CCNT1: variants seen among roughly 807,000 people sequenced by gnomAD.
CCNT1 encodes cyclin T1.
Under a neutral mutation model 67.3 loss-of-function variants are expected in CCNT1, and 18 were observed. The observed-to-expected ratio is 0.27, with a 90% confidence interval of 0.18 to 0.40. The LOEUF (loss-of-function observed/expected upper bound fraction) is 0.40, where lower values mean the gene tolerates loss of function less well. Among genes scored for constraint, CCNT1 ranks in the 10% least tolerant of loss-of-function variants. The pLI is 1.00. For missense variants in CCNT1, 744 were observed against 884.9 expected, an observed-to-expected ratio of 0.84 and a Z score of 2.02; for synonymous variants, 333 against 310.3, an observed-to-expected ratio of 1.07 and a Z score of -0.77.
At position 48,714,526 on chromosome 12, in the gene CCNT1, TG is replaced by T; in HGVS notation, c.162-3del. 6.9e-6 allele frequency: 11 copies of T among 1,600,794 alleles called. No homozygotes were observed. The highest frequency in any genetic ancestry group is 9.4e-6 in the Non-Finnish European group (11 of 1,168,096). ...GCAGTGTTGATAGTCAATTGTGAGC[TG>T]AAGTGTTCAAGTTAAGATCCAAAAA... On this transcript the variant is annotated splice_polypyrimidine_tract_variant and splice_region_variant and intron_variant, in intron 1 of 8. Coordinates refer to ENST00000261900, the MANE Select transcript of CCNT1 (RefSeq NM_001240.4).
chr12:48,702,566 C>T (rs1441979048), intron 3 of CCNT1, among the ~76,000 whole-genome samples: 3 of 152,134 alleles, frequency 2.0e-5, no homozygotes, highest in Non-Finnish European at 4.4e-5. Flanking sequence ...AGGTGTATCA[C>T]GAGGTCAGGA....
In CCNT1 at chr12:48,693,767, G is replaced by A. The variant is rs781254287; in HGVS notation, c.1447C>T (p.Arg483Cys). 83 of 1,613,908 alleles carry A rather than the reference G, an allele frequency of 5.1e-5. No homozygotes were observed. The highest frequency in any genetic ancestry group is 3.0e-4 in the Admixed American group (18 of 59,978). Residue 483 changes from arginine to cysteine, a missense_variant, in exon 9 of 9, where the codon CGC (arginine) becomes TGC (cysteine). This residue lies in a region of CCNT1 where 564 missense variants were observed against 574.2 expected (regional missense o/e 0.98). Coordinates refer to ENST00000261900, the MANE Select transcript of CCNT1 (RefSeq NM_001240.4). Reference sequence around the variant, plus strand: ...TCAGCTGCAGCATGGACTTTTATGCGCATTTTTATCTCCTCTGGTTTTGAA... The same window carrying A: ...TCAGCTGCAGCATGGACTTTTATGCACATTTTTATCTCCTCTGGTTTTGAA... ...ASSKPEEIKM[R>C]IKVHAAADKH...
At position 48,692,991 on chromosome 12, in the gene CCNT1, GTTTT is replaced by G. The variant is rs754137865; in HGVS notation, c.*38_*41del. ...CAAAAAAAAAAAAGAAAAATTATGT[GTTTT>G]TTTAAAGAAGTTTTTTTCTCCTCTT... On this transcript the variant is annotated 3_prime_UTR_variant, in exon 9 of 9. Transcript: ENST00000261900. 34 of 1,257,846 alleles carry G rather than the reference GTTTT, an allele frequency of 2.7e-5. No homozygotes were observed. The highest frequency in any genetic ancestry group is 2.6e-4 in the Middle Eastern group (1 of 3,888). 77.9% of individuals were successfully genotyped at this position (1,257,846 alleles called of 1,614,324 possible).
intron 2 of CCNT1, among the ~76,000 whole-genome samples, chr12:48,707,786 T>C (rs946610562): frequency 6.6e-6 from 1 of 152,148 alleles, no homozygotes; most frequent in Non-Finnish European, 1.5e-5. Flanking sequence ...AGGCTGGGTG[T>C]TGTGGCTCAC....
intron 6 of CCNT1, among the ~76,000 whole-genome samples, chr12:48,697,154 A>G (rs1310836639): frequency 6.6e-6 from 1 of 152,162 alleles, no homozygotes; most frequent in Admixed American, 6.6e-5. Context: ...GGAAGAAGGA[A>G]AAAGACTGAA....
At chr12:48,706,883 A>G (rs114489110) in intron 2 of CCNT1, among the ~76,000 whole-genome samples, 34 of 152,272 alleles carry the variant, frequency 2.2e-4, no homozygotes, top group African/African-American at 8.2e-4. Flanking sequence ...TTCAGACAAG[A>G]CCATAGGAGA....
At chr12:48,711,222 A>C (rs1300850097) in intron 2 of CCNT1, among the ~76,000 whole-genome samples, 3 of 151,854 alleles carry the variant, frequency 2.0e-5, no homozygotes, top group Non-Finnish European at 4.4e-5. Context: ...TATACTAAAA[A>C]TACAAAAATT....
At position 48,693,336 on chromosome 12, in the gene CCNT1, T is replaced by A. The variant is rs1336811942; in HGVS notation, c.1878A>T (p.Ser626=). Residue 626 remains serine (S), a synonymous_variant, in exon 9 of 9, where the codon TCA becomes TCT. Coordinates refer to ENST00000261900, the MANE Select transcript of CCNT1 (RefSeq NM_001240.4). Reference sequence around the variant, plus strand: ...GGACACGAGTTTTACAGCTGGGCTGTGAAAAGGAAAGGCCACTTGTGTCTG... The same window carrying A: ...GGACACGAGTTTTACAGCTGGGCTGAGAAAAGGAAAGGCCACTTGTGTCTG... ...HSSDTSGLSF[S]QPSCKTRVPH... The A allele has an allele frequency of 6.2e-7, 1 of 1,614,162 alleles. No individual in the cohort carries two copies. Among genetic ancestry groups the A allele is most frequent in the South Asian group, 1.1e-5 (1 of 91,082 alleles).
At chr12:48,716,128 T>G (rs904652440) in intron 1 of CCNT1, among the ~76,000 whole-genome samples, 2 of 152,168 alleles carry the variant, frequency 1.3e-5, no homozygotes, top group African/African-American at 4.8e-5. Context: ...ATTTACACAC[T>G]AGGTTTGGGA....
At chr12:48,712,581 AAAAAAAAAAAAAAT>A (rs1337287673) in intron 2 of CCNT1, among the ~76,000 whole-genome samples, 390 of 25,512 alleles carry the variant, frequency 0.015, 6 homozygotes, top group African/African-American at 0.064. Context: ...CTTTTCCTTA[AAAAAAAAAAAAAAT>A]AAAAAAAAAA....
chr12:48,694,054 A>C lies in CCNT1; in HGVS notation c.1160T>G (p.Val387Gly). Residue 387 changes from valine (V) to glycine (G), a missense_variant, in exon 9 of 9, where the codon GTG (valine) becomes GGG (glycine). By Grantham distance (109) the Val-to-Gly change is moderately radical (BLOSUM62 -3). This residue lies in a region of CCNT1 where 564 missense variants were observed against 574.2 expected (regional missense o/e 0.98). Coordinates refer to ENST00000261900, the MANE Select transcript of CCNT1 (RefSeq NM_001240.4). Reference protein sequence around the residue: ...QNSKSVPSAKVSLKEYRAKHA... With the variant: ...QNSKSVPSAKGSLKEYRAKHA... ...CTTCGCGCGGTATTCTTTCAGTGACACTTTAGCTGATGGCACACTCTTACT... is the reference window on the plus strand; with the variant it reads ...CTTCGCGCGGTATTCTTTCAGTGACCCTTTAGCTGATGGCACACTCTTACT... The C allele has an allele frequency of 6.2e-7, 1 of 1,614,128 alleles. No individual in the cohort carries two copies.
In CCNT1 at chr12:48,693,722, C is replaced by G. The variant is rs1940120229; in HGVS notation, c.1492G>C (p.Asp498His). 1.9e-6 allele frequency: 3 copies of G among 1,614,056 alleles called. No homozygotes were observed. Among genetic ancestry groups the G allele is most frequent in the Non-Finnish European group, 1.7e-6 (2 of 1,180,022 alleles). Reference sequence around the variant, plus strand: ...TGCTCTCGGCTCTTTGTAACACTGTCCTCTACAGAATTGTGCTTATCAGCT... The same window carrying G: ...TGCTCTCGGCTCTTTGTAACACTGTGCTCTACAGAATTGTGCTTATCAGCT... ...AAADKHNSVEDSVTKSREHKE... is the reference protein window; with the variant it reads ...AAADKHNSVEHSVTKSREHKE... The change falls in exon 9 of 9, where the codon GAC becomes CAC. Residue 498 changes from aspartate to histidine, a missense_variant. By Grantham distance (81) the Asp-to-His change is moderately conservative. This residue lies in a region of CCNT1 where 564 missense variants were observed against 574.2 expected (regional missense o/e 0.98). Transcript: ENST00000261900.
At chr12:48,715,093 G>A (rs1465413234) in intron 1 of CCNT1, among the ~76,000 whole-genome samples, 2 of 152,218 alleles carry the variant, frequency 1.3e-5, no homozygotes, top group South Asian at 2.1e-4. Context: ...TATTACAGGC[G>A]CGAGCCACCG....
chr12:48,695,877 A>C, intron 7 of CCNT1, 48 bp from the exon 8 acceptor site: 1 of 1,532,508 alleles, frequency 6.5e-7, no homozygotes, highest in South Asian at 1.1e-5. Context: ...AAACAGAAGT[A>C]ATGAAACAAG....
intron 6 of CCNT1, among the ~76,000 whole-genome samples, chr12:48,696,965 T>C (rs182667604): frequency 6.6e-6 from 1 of 152,200 alleles, no homozygotes; most frequent in East Asian, 1.9e-4. Context: ...CCCGAGTAGC[T>C]GGTACTACAT....
At chr12:48,706,272 T>C (rs1286707868) in intron 2 of CCNT1, among the ~76,000 whole-genome samples, 1 of 152,132 alleles carries the variant, frequency 6.6e-6, no homozygotes, top group Non-Finnish European at 1.5e-5. Flanking sequence ...AAAAGTTTAG[T>C]GGTTGCCAGG....
chr12:48,701,015 A>G lies in CCNT1; in HGVS notation c.431T>C (p.Leu144Ser). 2 of 1,553,884 alleles carry G rather than the reference A, an allele frequency of 1.3e-6. No individual in the cohort carries two copies. Among genetic ancestry groups the G allele is most frequent in the Non-Finnish European group, 8.8e-7 (1 of 1,138,322 alleles). ...VILESIILQTLGFELTIDHPH... is the reference protein window; with the variant it reads ...VILESIILQTSGFELTIDHPH... ...GTTTCAAAGGAAAATAAACTTACCT[A>G]AAGTCTGCAAAATTATGCTTTCTAA... is the stretch of plus-strand genomic sequence containing the variant. The change falls in exon 4 of 9, where the codon TTA (leucine) becomes TCA (serine). Residue 144 changes from leucine to serine, a missense_variant and splice_region_variant. Physicochemically the swap from Leu to Ser is moderately radical, Grantham distance 145. This residue lies in a region of CCNT1 where 142 missense variants were observed against 277.0 expected (regional missense o/e 0.51). Coordinates refer to ENST00000261900, the MANE Select transcript of CCNT1 (RefSeq NM_001240.4).
chr12:48,695,469 C>T (rs1051900064), intron 8 of CCNT1, among the ~76,000 whole-genome samples: 1 of 152,122 alleles, frequency 6.6e-6, no homozygotes, highest in Non-Finnish European at 1.5e-5. Context: ...ACTCTAACTC[C>T]GAGAAGCCAT....
At chr12:48,702,400 C>T (rs1940285090) in intron 3 of CCNT1, among the ~76,000 whole-genome samples, 1 of 152,240 alleles carries the variant, frequency 6.6e-6, no homozygotes, top group Non-Finnish European at 1.5e-5. Context: ...GCTATAGCCA[C>T]TAGCCACATG....
Sources: allele counts gnomAD v4.1 joint callset (sites outside exome capture counted in the v4.1 genomes callset), GRCh38; gene constraint gnomAD v4.1.1; regional missense constraint gnomAD v4.1.1; transcripts MANE v1.5; gene names NCBI Gene and HGNC (gene_info 2026-07-23, HGNC 2026-07-21).